FRS2: variants seen among roughly 807,000 people sequenced by gnomAD.
FRS2 encodes FGFR signalling adaptor.
A neutral mutation model predicts 43.9 loss-of-function variants in FRS2; 8 were observed. The ratio of observed to expected loss-of-function variants is 0.18; its 90% CI spans 0.11 to 0.33. The LOEUF is 0.33. Ranked by LOEUF, FRS2 falls within the 10% of genes least tolerant of loss-of-function variation. The pLI is 1.00. For synonymous variants in FRS2, 219 were observed against 220.3 expected (o/e 0.99, Z 0.05); for missense variants, 534 against 627.6 (o/e 0.85, Z 1.59).
At chr12:69,486,648 C>T (rs1441791231) in intron 1 of FRS2, among the ~76,000 whole-genome samples, 1 of 152,174 alleles carries the variant, frequency 6.6e-6, no homozygotes, top group Non-Finnish European at 1.5e-5. Flanking sequence ...AAAGAGAAGC[C>T]TCTTGTGCCA....
intron 3 of FRS2, among the ~76,000 whole-genome samples, chr12:69,542,512 T>A (rs1005805610): frequency 6.6e-6 from 1 of 152,156 alleles, no homozygotes; most frequent in Non-Finnish European, 1.5e-5. Flanking sequence ...TCTAAAATTC[T>A]TTATTTTTTC....
intron 3 of FRS2, among the ~76,000 whole-genome samples, chr12:69,558,031 T>C (rs1057316656): frequency 1.3e-5 from 2 of 152,162 alleles, no homozygotes; most frequent in African/African-American, 4.8e-5. Flanking sequence ...TGAATCTCTA[T>C]ATATATATTG....
intron 3 of FRS2, among the ~76,000 whole-genome samples, chr12:69,537,430 TTTA>T (rs1877423153): frequency 6.6e-6 from 1 of 152,186 alleles, no homozygotes; most frequent in Admixed American, 6.5e-5. Flanking sequence ...TAAAGATGTC[TTTA>T]TTTCATCTTC....
chr12:69,510,416 A>G (rs1235604870), intron 1 of FRS2, among the ~76,000 whole-genome samples: 1 of 152,178 alleles, frequency 6.6e-6, no homozygotes, highest in African/African-American at 2.4e-5. Flanking sequence ...TTTCTTCCCT[A>G]AACTGTTTTC....
chr12:69,574,116 G>A lies in FRS2; in HGVS notation c.688G>A (p.Glu230Lys), dbSNP rs759430968. 1.9e-5 allele frequency: 30 copies of A among 1,614,196 alleles called. No individual in the cohort carries two copies. In the Middle Eastern group the frequency reaches 8.2e-4, roughly 44 times the overall value. Residue 230 changes from glutamate (E) to lysine (K), a missense_variant, in exon 9 of 9, where the codon GAA (glutamate) becomes AAA (lysine). Transcript: ENST00000549921. ...TAACGCTGAAAGCAGCACACCAAAA[G>A]AAGAACCAAGTAGTATTGAGGACAG... Reference protein sequence around the residue: ...VSNAESSTPKEEPSSIEDRDP... With the variant: ...VSNAESSTPKKEPSSIEDRDP...
intron 3 of FRS2, among the ~76,000 whole-genome samples, chr12:69,559,683 T>G (rs929749015): frequency 2.6e-5 from 4 of 152,130 alleles, no homozygotes; most frequent in African/African-American, 9.7e-5. Context: ...GCTTTTTTTC[T>G]TAACTCTTCT....
chr12:69,539,097 CAG>C (rs1315807488), intron 3 of FRS2, among the ~76,000 whole-genome samples: 1 of 152,084 alleles, frequency 6.6e-6, no homozygotes, highest in African/African-American at 2.4e-5. Context: ...TGTTTTGAGA[CAG>C]AGTCTCACTC....
rs139504692 is a variant in FRS2, at chr12:69,506,654, A to G, written c.-260-24211A>G. ...GTCTACTTCTTCTTTCAAGCCCTCTATTATCTTCCCCTTCTCTAAATTTAC... is the reference window on the plus strand; with the variant it reads ...GTCTACTTCTTCTTTCAAGCCCTCTGTTATCTTCCCCTTCTCTAAATTTAC... On this transcript the variant is annotated intron_variant, in intron 1 of 8. Transcript: ENST00000549921. 7.3e-3 allele frequency among the ~76,000 whole-genome samples: 1,108 copies of G among 152,100 alleles called. 14 individuals carry two copies. The highest frequency in any genetic ancestry group is 0.025 in the African/African-American group (1,020 of 41,474).
chr12:69,549,436 GA>G (rs34764864), intron 3 of FRS2, among the ~76,000 whole-genome samples: 91,238 of 151,704 alleles, frequency 0.6, 29,087 homozygotes, highest in African/African-American at 0.82. Flanking sequence ...TATTTCAATT[GA>G]AAAAAAAGCT....
intron 4 of FRS2, among the ~76,000 whole-genome samples, chr12:69,567,218 A>G (rs187007941): frequency 3.9e-5 from 6 of 152,228 alleles, no homozygotes; most frequent in Non-Finnish European, 8.8e-5. Context: ...CTTCAAAGAC[A>G]AAGATGGTGA....
intron 4 of FRS2, among the ~76,000 whole-genome samples, chr12:69,568,376 A>G (rs1880467635): frequency 1.3e-5 from 2 of 152,180 alleles, no homozygotes; most frequent in Non-Finnish European, 2.9e-5. Context: ...CCAGAAGTTC[A>G]CCATCCCTTT....
intron 1 of FRS2, among the ~76,000 whole-genome samples, chr12:69,480,553 A>G (rs1271260360): frequency 6.6e-6 from 1 of 152,180 alleles, no homozygotes; most frequent in Non-Finnish European, 1.5e-5. Context: ...ACAACCTCAA[A>G]TTTCTGAACT....
chr12:69,482,684 A>G (rs2120765426), intron 1 of FRS2, among the ~76,000 whole-genome samples: 1 of 152,364 alleles, frequency 6.6e-6, no homozygotes, highest in South Asian at 2.1e-4. Flanking sequence ...ATGTAAGAAA[A>G]TATCATTTAT....
intron 1 of FRS2, among the ~76,000 whole-genome samples, chr12:69,479,394 T>C (rs1871158415): frequency 6.7e-6 from 1 of 150,214 alleles, no homozygotes; most frequent in African/African-American, 2.4e-5. Context: ...TTGTTTCTTT[T>C]TTTTTTTTTT....
rs547358617 is a variant in FRS2, at chr12:69,513,453, A to G, written c.-260-17412A>G. 1.8e-3 allele frequency among the ~76,000 whole-genome samples: 268 copies of G among 152,288 alleles called. 3 individuals carry two copies. The highest frequency in any genetic ancestry group is 6.2e-3 in the African/African-American group (256 of 41,554). On this transcript the variant is annotated intron_variant, in intron 1 of 8. Coordinates refer to ENST00000549921, the MANE Select transcript of FRS2 (RefSeq NM_001278356.2). ...AAACCTTGTATCAACATTTTTACTG[A>G]TGAGTAATAAAATTAACAGATTTGA...
chr12:69,543,119 G>A, intron 3 of FRS2, among the ~76,000 whole-genome samples: 1 of 152,146 alleles, frequency 6.6e-6, no homozygotes, highest in East Asian at 1.9e-4. Context: ...AAGAAATTTT[G>A]TGATACTGTA....
At chr12:69,477,560 G>A (rs1351499989) in intron 1 of FRS2, among the ~76,000 whole-genome samples, 1 of 151,382 alleles carries the variant, frequency 6.6e-6, no homozygotes, top group East Asian at 1.9e-4. Flanking sequence ...GGGATTACAG[G>A]CGTGAGCCAC....
intron 3 of FRS2, among the ~76,000 whole-genome samples, chr12:69,552,283 CAA>C (rs1318920502): frequency 1.1e-5 from 1 of 88,696 alleles, no homozygotes; most frequent in Non-Finnish European, 2.0e-5. Flanking sequence ...GCCTGGGCAA[CAA>C]GAGCGAAACT....
At chr12:69,539,782 C>T (rs541910265) in intron 3 of FRS2, among the ~76,000 whole-genome samples, 2 of 151,922 alleles carry the variant, frequency 1.3e-5, no homozygotes, top group Non-Finnish European at 2.9e-5. Flanking sequence ...GGTGAAACCC[C>T]GTCTCTACTA....
Sources: gnomAD v4.1 joint callset for allele counts (sites outside exome capture counted in the v4.1 genomes callset) on GRCh38, gnomAD v4.1.1 for gene constraint, MANE v1.5 for transcripts, NCBI Gene and HGNC (gene_info 2026-07-23, HGNC 2026-07-21) for gene names.